The following RANBP2 variants were observed in gnomAD, a reference collection of about 807,000 sequenced individuals.
RANBP2 encodes RAN binding protein 2.
RANBP2 carries 57 observed loss-of-function variants against 303.6 expected under a neutral mutation model. That is an observed-to-expected ratio of 0.19 (90% CI 0.15 to 0.23). The LOEUF (loss-of-function observed/expected upper bound fraction) is 0.23. RANBP2 is among the 10% of genes least tolerant of loss of function. The pLI, the probability that RANBP2 is intolerant of heterozygous loss-of-function variation, is 1.00. For missense variants in RANBP2, 3,138 were observed against 3,780.8 expected (o/e 0.83, Z 4.46); for synonymous variants, 1,167 against 1,301.5 (o/e 0.90, Z 2.23).
chr2:109,512,416 C>T, the RANBP2 span, among the ~76,000 whole-genome samples: 1 of 152,172 alleles, frequency 6.6e-6, no homozygotes, highest in Non-Finnish European at 1.5e-5. Context: ...CCTCCTGCCC[C>T]CTCCTGAGTC....
the RANBP2 span, among the ~76,000 whole-genome samples, chr2:109,249,402 T>A: frequency 2.0e-5 from 3 of 152,162 alleles, no homozygotes; most frequent in South Asian, 6.2e-4. Flanking sequence ...GCTCAGAGGA[T>A]CTGGAGAATT....
chr2:109,562,774 G>C, the RANBP2 span, among the ~76,000 whole-genome samples: 1 of 152,128 alleles, frequency 6.6e-6, no homozygotes, highest in African/African-American at 2.4e-5. Context: ...AGAAACACTA[G>C]GGAAGCTAAC....
At chr2:109,380,879 G>A in the RANBP2 span, among the ~76,000 whole-genome samples, 3 of 152,208 alleles carry the variant, frequency 2.0e-5, no homozygotes, top group Admixed American at 2.0e-4. Context: ...GGCCTTTGGA[G>A]GCCCCAGCAG....
At chr2:109,336,824 G>A in the RANBP2 span, among the ~76,000 whole-genome samples, 21 of 152,154 alleles carry the variant, frequency 1.4e-4, no homozygotes, top group Admixed American at 2.0e-4. Context: ...ATGGGGTGCC[G>A]AGGGACCCTC....
the RANBP2 span, among the ~76,000 whole-genome samples, chr2:109,538,699 T>C: frequency 6.6e-6 from 1 of 152,308 alleles, no homozygotes; most frequent in Non-Finnish European, 1.5e-5. Context: ...TTTATATTTT[T>C]AGTAGAGACG....
At chr2:109,349,376 A>G in the RANBP2 span, among the ~76,000 whole-genome samples, 41 of 152,300 alleles carry the variant, frequency 2.7e-4, no homozygotes, top group Non-Finnish European at 5.6e-4. Flanking sequence ...CTGGCTGCAC[A>G]GCTTCCCGGG....
chr2:109,612,699 C>A, the RANBP2 span, among the ~76,000 whole-genome samples: 1 of 152,154 alleles, frequency 6.6e-6, no homozygotes, highest in African/African-American at 2.4e-5. Flanking sequence ...TCACCAGGAC[C>A]CCTCAATTTT....
At chr2:108,890,953 A>G in the RANBP2 span, among the ~76,000 whole-genome samples, 3 of 152,078 alleles carry the variant, frequency 2.0e-5, no homozygotes, top group Non-Finnish European at 4.4e-5. Flanking sequence ...CTATTTTTGA[A>G]GCTTTCAAAT....
chr2:109,012,783 G>A, the RANBP2 span, among the ~76,000 whole-genome samples: 17 of 152,224 alleles, frequency 1.1e-4, no homozygotes, highest in East Asian at 1.7e-3. Context: ...GCGTGTTGGC[G>A]GGAGCCTGTA....
At chr2:108,729,343 A>G (rs1481781061) in intron 2 of RANBP2, 144 bp downstream of exon 2, 11 of 1,045,080 alleles carry the variant, frequency 1.1e-5, no homozygotes, top group African/African-American at 1.6e-5. Flanking sequence ...GACTGATGCT[A>G]AGGACCAGCC....
chr2:108,818,331 A>G, the RANBP2 span, among the ~76,000 whole-genome samples: 1 of 152,146 alleles, frequency 6.6e-6, no homozygotes, highest in Non-Finnish European at 1.5e-5. Context: ...AATCGGGATC[A>G]TGTAATACTG....
Position 108,767,252 on chromosome 2 carries a change from T to C in RANBP2, c.6713T>C (p.Val2238Ala), listed in dbSNP as rs370074670. The part of the protein sequence containing the change: ...DLREDALDDS[V>A]SSSSVHASPL... The stretch of plus-strand genomic sequence containing the variant: ...AGGGAAGATGCTTTGGATGATAGTG[T>C]CAGTAGTAGCTCAGTACATGCTTCT... Residue 2238 changes from valine (V) to alanine (A), a missense_variant, in exon 20 of 29, where the codon GTC becomes GCC. Val to Ala is a moderately conservative substitution (Grantham distance 64). This residue lies in a region of RANBP2 where 72 missense variants were observed against 86.8 expected (regional missense o/e 0.83). Coordinates refer to ENST00000283195, the MANE Select transcript of RANBP2 (RefSeq NM_006267.5). 6.2e-7 allele frequency: 1 copy of C among 1,611,916 alleles called. No individual in the cohort carries two copies. The highest frequency in any genetic ancestry group is 1.3e-5 in the African/African-American group (1 of 74,858).
At chr2:109,625,777 T>A in the RANBP2 span, among the ~76,000 whole-genome samples, 2 of 152,100 alleles carry the variant, frequency 1.3e-5, no homozygotes, top group Non-Finnish European at 2.9e-5. Flanking sequence ...CAGACTGAAA[T>A]GTAGAGTAGG....
intron 7 of RANBP2, among the ~76,000 whole-genome samples, chr2:108,742,930 A>G (rs1161340903): frequency 6.6e-6 from 1 of 151,932 alleles, no homozygotes; most frequent in Non-Finnish European, 1.5e-5. Flanking sequence ...CTGGGACTAC[A>G]GGCACCCACC....
the RANBP2 span, among the ~76,000 whole-genome samples, chr2:108,987,922 T>C: frequency 1.3e-5 from 2 of 152,258 alleles, no homozygotes; most frequent in African/African-American, 2.4e-5. Flanking sequence ...TTCTCTATTT[T>C]AGATGCCTGG....
chr2:109,533,541 A>G, the RANBP2 span, among the ~76,000 whole-genome samples: 1 of 152,192 alleles, frequency 6.6e-6, no homozygotes, highest in Non-Finnish European at 1.5e-5. Flanking sequence ...GGATGGGTAA[A>G]GGTTCAATAT....
chr2:109,157,393 T>G, the RANBP2 span, among the ~76,000 whole-genome samples: 6 of 152,220 alleles, frequency 3.9e-5, no homozygotes, highest in Non-Finnish European at 7.3e-5. Context: ...TCCATAAAAA[T>G]CATTTAAAAA....
the RANBP2 span, chr2:108,876,041 ACTCT>A: frequency 1.6e-6 from 2 of 1,253,284 alleles, no homozygotes; most frequent in Middle Eastern, 2.5e-4. Flanking sequence ...TTGCAGATAA[ACTCT>A]CTAAGTATGT....
At chr2:109,222,730 C>G in the RANBP2 span, among the ~76,000 whole-genome samples, 1 of 152,250 alleles carries the variant, frequency 6.6e-6, no homozygotes, top group Admixed American at 6.5e-5. Flanking sequence ...CTTTCTTCTA[C>G]CACTGACATC....
Sources: allele counts gnomAD v4.1 joint callset (sites outside exome capture counted in the v4.1 genomes callset), GRCh38; gene constraint gnomAD v4.1.1; regional missense constraint gnomAD v4.1.1; transcripts MANE v1.5; gene names NCBI Gene and HGNC (gene_info 2026-07-23, HGNC 2026-07-21).